Variants in MAST4 observed in about 807,000 individuals in gnomAD.
MAST4 encodes the protein microtubule-associated serine/threonine-protein kinase 4.
In MAST4, 89 loss-of-function variants were observed where a neutral mutation model predicts 162.7. That is an observed-to-expected ratio of 0.55 (90% CI 0.46 to 0.65). MAST4 has a LOEUF of 0.65. Ranked by LOEUF, MAST4 falls within the 30% of genes least tolerant of loss-of-function variation. The pLI, the probability that MAST4 is intolerant of heterozygous loss-of-function variation, is 0.00. For missense variants in MAST4, 3,153 were observed against 3,374.0 expected, an observed-to-expected ratio of 0.93 and a Z score of 1.62; for synonymous variants, 1,479 against 1,361.1, an observed-to-expected ratio of 1.09 and a Z score of -1.91.
chr5:66,821,362 T>G (rs1028635257), intron 3 of MAST4, among the ~76,000 whole-genome samples: 1 of 152,252 alleles, frequency 6.6e-6, no homozygotes, highest in African/African-American at 2.4e-5. Flanking sequence ...TTTTAAAATT[T>G]CAAATGACTA....
chr5:66,865,064 G>A (rs571997304), intron 3 of MAST4, among the ~76,000 whole-genome samples: 2 of 152,232 alleles, frequency 1.3e-5, no homozygotes, highest in African/African-American at 2.4e-5. Context: ...GGGTGAGACA[G>A]TAATGTTGAC....
At position 66,596,989 on chromosome 5, in the gene MAST4, A is replaced by G. The variant is rs1268642965; in HGVS notation, c.334A>G (p.Ser112Gly). Reference sequence around the variant, plus strand: ...TGTGCCGCCCGCGCCCCGGGGCAGCAGCGCGTCCCAGGAGGAGCAGGACGA... The same window carrying G: ...TGTGCCGCCCGCGCCCCGGGGCAGCGGCGCGTCCCAGGAGGAGCAGGACGA... ...GAVPPAPRGS[S>G]ASQEEQDEEL... The change falls in exon 1 of 29, where the codon AGC (serine) becomes GGC (glycine). Residue 112 changes from serine (S) to glycine (G), a missense_variant. Ser to Gly is a moderately conservative substitution (Grantham distance 56). Transcript: ENST00000403625. 5 of 1,451,794 alleles carry G rather than the reference A, an allele frequency of 3.4e-6. No individual in the cohort carries two copies. Among genetic ancestry groups the G allele is most frequent in the Non-Finnish European group, 4.5e-6 (5 of 1,107,896 alleles). 89.9% of individuals were successfully genotyped at this position (1,451,794 alleles called of 1,614,324 possible). A position where few individuals can be genotyped will look rare whatever the true frequency, so the allele number is the denominator to read the frequency against.
At chr5:67,125,347 C>T (rs1440128399) in intron 14 of MAST4, among the ~76,000 whole-genome samples, 1 of 151,646 alleles carries the variant, frequency 6.6e-6, no homozygotes, top group Admixed American at 6.6e-5. Flanking sequence ...TGGTTTGCTG[C>T]ACCCATCAAC....
At chr5:66,973,661 A>G (rs1433703863) in intron 4 of MAST4, among the ~76,000 whole-genome samples, 1 of 152,154 alleles carries the variant, frequency 6.6e-6, no homozygotes, top group Admixed American at 6.5e-5. Context: ...GATTTCACCC[A>G]GTGGTTTTTG....
At chr5:66,681,783 T>C (rs1188830257) in intron 1 of MAST4, among the ~76,000 whole-genome samples, 1 of 152,246 alleles carries the variant, frequency 6.6e-6, no homozygotes, top group Non-Finnish European at 1.5e-5. Context: ...ATCTCTGCTG[T>C]CTTCTCTGTC....
chr5:67,114,310 A>C, intron 12 of MAST4, 91 bp downstream of exon 12: 7 of 1,453,900 alleles, frequency 4.8e-6, no homozygotes, highest in Non-Finnish European at 6.5e-6. Context: ...ATTTTTCCTC[A>C]TGTTTTGGCT....
chr5:66,888,769 T>C (rs899250653), intron 3 of MAST4, among the ~76,000 whole-genome samples: 9 of 152,334 alleles, frequency 5.9e-5, no homozygotes, highest in African/African-American at 1.9e-4. Flanking sequence ...AATGATTGGC[T>C]GTGGATTGGA....
chr5:66,707,154 C>T (rs1750186988), intron 1 of MAST4, among the ~76,000 whole-genome samples: 2 of 152,218 alleles, frequency 1.3e-5, no homozygotes, highest in Non-Finnish European at 2.9e-5. Context: ...CTCCTGACTT[C>T]CAGTCCCTCC....
rs142211228 is a variant in MAST4 at position 66,741,584 on chromosome 5, G to C, written c.364-18125G>C. ...CACAGGCTGTGTTTGCCAATCCCTG[G>C]AATGTCAATAACAGTGAAGGTCAGG... On this transcript the variant is annotated intron_variant, in intron 1 of 28. Coordinates refer to ENST00000403625, the MANE Select transcript of MAST4 (RefSeq NM_001164664.2). Among the ~76,000 whole-genome samples the C allele has an allele frequency of 1.2e-4, 18 of 152,254 alleles. No individual in the cohort carries two copies. In the East Asian group the frequency reaches 2.9e-3, roughly 25 times the overall value.
intron 3 of MAST4, among the ~76,000 whole-genome samples, chr5:66,794,992 A>T (rs1326026575): frequency 1.3e-5 from 2 of 152,240 alleles, no homozygotes; most frequent in East Asian, 3.8e-4. Flanking sequence ...TTTTTAATTC[A>T]TTCAGAATGT....
intron 10 of MAST4, among the ~76,000 whole-genome samples, chr5:67,105,622 G>T (rs1189533681): frequency 6.6e-6 from 1 of 152,170 alleles, no homozygotes; most frequent in Non-Finnish European, 1.5e-5. Flanking sequence ...GCATGGACCT[G>T]TTCTCTCCCA....
chr5:66,897,539 G>A (rs1024792175), intron 3 of MAST4, among the ~76,000 whole-genome samples: 2 of 152,210 alleles, frequency 1.3e-5, no homozygotes, highest in Non-Finnish European at 2.9e-5. Context: ...CTTGGCCACA[G>A]CACATTCATT....
chr5:66,620,271 T>G (rs917477678), intron 1 of MAST4, among the ~76,000 whole-genome samples: 3 of 152,080 alleles, frequency 2.0e-5, no homozygotes, highest in Non-Finnish European at 2.9e-5. Flanking sequence ...TATTTGTGAG[T>G]GGGGAAAATA....
At chr5:66,610,867 C>T (rs1234133918) in intron 1 of MAST4, among the ~76,000 whole-genome samples, 3 of 152,232 alleles carry the variant, frequency 2.0e-5, no homozygotes, top group Non-Finnish European at 4.4e-5. Context: ...GTCTTTAGGA[C>T]ATCTTCATTG....
At chr5:67,037,170 G>C (rs887638171) in intron 4 of MAST4, among the ~76,000 whole-genome samples, 1 of 152,108 alleles carries the variant, frequency 6.6e-6, no homozygotes, top group Admixed American at 6.6e-5. Flanking sequence ...TGAGGTAGGA[G>C]AATCACTTGA....
At chr5:66,931,836 C>T (rs1436594197) in intron 4 of MAST4, among the ~76,000 whole-genome samples, 1 of 152,128 alleles carries the variant, frequency 6.6e-6, no homozygotes, top group East Asian at 1.9e-4. Flanking sequence ...GAAATTACAA[C>T]CAGAATAATA....
intron 3 of MAST4, among the ~76,000 whole-genome samples, chr5:66,838,247 T>G (rs563861635): frequency 1.3e-5 from 2 of 152,156 alleles, no homozygotes; most frequent in East Asian, 3.9e-4. Flanking sequence ...GCCTGTGATT[T>G]GGAAACCTTT....
intron 1 of MAST4, among the ~76,000 whole-genome samples, chr5:66,715,464 AC>A (rs1347186010): frequency 6.9e-6 from 1 of 145,150 alleles, no homozygotes; most frequent in African/African-American, 2.5e-5. Context: ...CAACTTATTT[AC>A]ATGAACAAGG....
Position 66,852,639 on chromosome 5 carries a change from A to G in MAST4, c.643-47312A>G, listed in dbSNP as rs1006889688. Among the ~76,000 whole-genome samples the G allele has an allele frequency of 5.1e-4, 78 of 152,144 alleles. 4 individuals are homozygous for G. The highest frequency in any genetic ancestry group is 5.1e-3 in the Admixed American group (78 of 15,268). On this transcript the variant is annotated intron_variant, in intron 3 of 28. Transcript: ENST00000403625. ...TGGGCTGGATTTTTGCACAACTGAA[A>G]TTCATTTAGACTGTACTTTTGGCTA... is the stretch of plus-strand genomic sequence containing the variant.
Sources: allele counts gnomAD v4.1 joint callset (sites outside exome capture counted in the v4.1 genomes callset), GRCh38; gene constraint gnomAD v4.1.1; transcripts MANE v1.5; gene names NCBI Gene and HGNC (gene_info 2026-07-23, HGNC 2026-07-21).